The following RBM45 variants were observed in gnomAD, a reference collection of about 807,000 sequenced individuals.
RBM45 encodes RNA binding motif protein 45.
RBM45 carries 39 observed loss-of-function variants against 58.5 expected under a neutral mutation model. That is an observed-to-expected ratio of 0.67 (90% CI 0.52 to 0.87). The LOEUF (loss-of-function observed/expected upper bound fraction) is 0.87, where lower values mean the gene tolerates loss of function less well. Ranked by LOEUF, RBM45 falls within the 40% of genes least tolerant of loss-of-function variation. The pLI, the probability that RBM45 is intolerant of heterozygous loss-of-function variation, is 0.00. For synonymous variants in RBM45, 193 were observed against 203.0 expected (o/e 0.95, Z 0.42); for missense variants, 481 against 581.6 (o/e 0.83, Z 1.78).
At chr2:178,130,450 A>G (rs1183638588), downstream of RBM45, among the ~76,000 whole-genome samples, 1 of 152,140 alleles carries the variant, frequency 6.6e-6, no homozygotes, top group Non-Finnish European at 1.5e-5. Context: ...GCTTGAGCCT[A>G]GGAGACCGAG....
chr2:178,131,118 A>G (rs1167400798), downstream of RBM45, among the ~76,000 whole-genome samples: 1 of 152,232 alleles, frequency 6.6e-6, no homozygotes, highest in Non-Finnish European at 1.5e-5. Flanking sequence ...TTAAAAGAAC[A>G]AAGCAATGAA....
In RBM45 at chr2:178,112,739, T is replaced by C. The variant is rs746564319; in HGVS notation, c.193T>C (p.Ser65Pro). ...WVVRDKHTKESKGIAFVKFAR... is the reference protein window; with the variant it reads ...WVVRDKHTKEPKGIAFVKFAR... ...GGTGCGGGACAAGCACACCAAGGAG[T>C]CCAAGGGCATTGCTTTCGTCAAGTT... Residue 65 changes from serine to proline, a missense_variant, in exon 1 of 10, where the codon TCC becomes CCC. Coordinates refer to ENST00000286070, the MANE Select transcript of RBM45 (RefSeq NM_152945.4). 4.3e-5 allele frequency: 69 copies of C among 1,613,634 alleles called. 1 individual carries two copies. Among genetic ancestry groups the C allele is most frequent in the Non-Finnish European group, 5.3e-5 (62 of 1,179,960 alleles).
At chr2:178,115,936 T>G (rs2087767776) in intron 1 of RBM45, among the ~76,000 whole-genome samples, 1 of 152,074 alleles carries the variant, frequency 6.6e-6, no homozygotes, top group Non-Finnish European at 1.5e-5. Context: ...GAGGATCACT[T>G]GAGCCCAGGA....
chr2:178,134,472 T>G (rs10497476), downstream of RBM45, among the ~76,000 whole-genome samples: 10,435 of 152,242 alleles, frequency 0.069, 396 homozygotes, highest in East Asian at 0.13. Context: ...CTAATTTTTT[T>G]GCTCATATAT....
chr2:178,119,744 G>T (rs2087824423), intron 3 of RBM45, among the ~76,000 whole-genome samples: 1 of 152,126 alleles, frequency 6.6e-6, no homozygotes, highest in African/African-American at 2.4e-5. Flanking sequence ...TGTTTGAAGT[G>T]TCAGAGGGTT....
intron 2 of RBM45, among the ~76,000 whole-genome samples, chr2:178,117,697 C>G (rs1015907491): frequency 6.6e-6 from 1 of 152,160 alleles, no homozygotes; most frequent in Non-Finnish European, 1.5e-5. Context: ...GAGGTAGGCA[C>G]AGAGAGAATA....
exon 4 of RBM45, chr2:178,137,759 A>G (rs1401900762): frequency 6.6e-6 from 1 of 152,140 alleles, no homozygotes; most frequent in African/African-American, 2.4e-5. Flanking sequence ...GCTGTACTCT[A>G]TGGAGTATGC....
chr2:178,126,005 A>C lies in RBM45; in HGVS notation c.1254A>C (p.Glu418Asp). Residue 418 changes from glutamate (E) to aspartate (D), a missense_variant, in exon 9 of 10, where the codon GAA becomes GAC. Transcript: ENST00000286070. ...DIFCRFGNLI[E>D]VYLVSGKNVG... ...TCAGTCGTTTTGGTAACCTGATCGA[A>C]GTTTACCTTGTGTCAGGAAAAAATG... 1 of 1,613,684 alleles carries C rather than the reference A, an allele frequency of 6.2e-7. No homozygotes were observed. Among genetic ancestry groups the C allele is most frequent in the Non-Finnish European group, 8.5e-7 (1 of 1,179,838 alleles).
chr2:178,130,836 A>G (rs1229637114), downstream of RBM45, among the ~76,000 whole-genome samples: 1 of 152,256 alleles, frequency 6.6e-6, no homozygotes, highest in Non-Finnish European at 1.5e-5. Context: ...TTTTCTTTTA[A>G]AAGTCAGTGA....
chr2:178,128,806 C>G (rs2087969849), intron 9 of RBM45, among the ~76,000 whole-genome samples: 1 of 152,044 alleles, frequency 6.6e-6, no homozygotes, highest in Non-Finnish European at 1.5e-5. Flanking sequence ...ACAATGGACT[C>G]CATTATGAGA....
intron 6 of RBM45, 66 bp from the exon 7 acceptor site, chr2:178,123,762 A>G: frequency 6.2e-7 from 1 of 1,600,344 alleles, no homozygotes; most frequent in African/African-American, 1.3e-5. Flanking sequence ...AAGTCACACA[A>G]AACAAGCTAC....
At position 178,117,537 on chromosome 2, in the gene RBM45, T is replaced by C. The variant is rs529604810; in HGVS notation, c.424-518T>C. Among the ~76,000 whole-genome samples, 10 of 152,328 alleles carry C rather than the reference T, an allele frequency of 6.6e-5. No homozygotes were observed. In the South Asian group the frequency reaches 2.1e-3, roughly 32 times the overall value. On this transcript the variant is annotated intron_variant, in intron 2 of 9. Transcript: ENST00000286070. ...ACTCCTTCAAAAGAATACACAATCA[T>C]TTATGTTCCTGTTAGAAGACAGACA...
intron 2 of RBM45, among the ~76,000 whole-genome samples, 166 bp from the exon 3 acceptor site, chr2:178,117,889 A>G (rs1261905628): frequency 1.3e-5 from 2 of 151,418 alleles, no homozygotes; most frequent in Non-Finnish European, 3.0e-5. Context: ...TTCCTTATCT[A>G]TGAAATAAGC....
chr2:178,117,981 C>CA, intron 2 of RBM45, 74 bp from the exon 3 acceptor site: 1 of 1,305,112 alleles, frequency 7.7e-7, no homozygotes, highest in Non-Finnish European at 1.0e-6. Context: ...CACATATAAA[C>CA]AAATTTTTAG....
At chr2:178,125,816 A>G (rs958883575) in intron 8 of RBM45, 168 bp from the exon 9 acceptor site, 2 of 715,666 alleles carry the variant, frequency 2.8e-6, no homozygotes, top group African/African-American at 3.5e-5. Flanking sequence ...GAGAAGAGAG[A>G]TCTGAATGAG....
At chr2:178,137,104 T>A (rs567581805) in exon 4 of RBM45, 3 of 152,192 alleles carry the variant, frequency 2.0e-5, no homozygotes, top group Non-Finnish European at 4.4e-5. Context: ...TTCTTTTTAA[T>A]TTGATAGTTA....
At chr2:178,134,136 T>C (rs777776743), downstream of RBM45, among the ~76,000 whole-genome samples, 1 of 152,194 alleles carries the variant, frequency 6.6e-6, no homozygotes, top group Non-Finnish European at 1.5e-5. Flanking sequence ...GAAGACAGTA[T>C]CTGGATGTCA....
chr2:178,130,076 T>C (rs1402076826), downstream of RBM45, among the ~76,000 whole-genome samples: 1 of 152,126 alleles, frequency 6.6e-6, no homozygotes, highest in Non-Finnish European at 1.5e-5. Flanking sequence ...AATTAAAACT[T>C]TCTGATAATA....
downstream of RBM45, among the ~76,000 whole-genome samples, chr2:178,132,053 T>G (rs2088010118): frequency 6.6e-6 from 1 of 152,182 alleles, no homozygotes; most frequent in Non-Finnish European, 1.5e-5. Context: ...TTAGTATATA[T>G]TTCTTTAAAA....
Sources: gnomAD v4.1 joint callset for allele counts (sites outside exome capture counted in the v4.1 genomes callset) on GRCh38, gnomAD v4.1.1 for gene constraint, MANE v1.5 for transcripts, NCBI Gene and HGNC (gene_info 2026-07-23, HGNC 2026-07-21) for gene names.